PDXP: variants seen among roughly 807,000 people sequenced by gnomAD.
PDXP encodes pyridoxal phosphatase, also known as chronophin.
Under a neutral mutation model 14.4 loss-of-function variants are expected in PDXP, and 15 were observed. The ratio of observed to expected loss-of-function variants is 1.04; its 90% confidence interval spans 0.70 to 1.60. The LOEUF is 1.60. PDXP is among the 40% of genes most tolerant of loss of function. PDXP has a pLI of 0.00. For synonymous variants in PDXP, 233 were observed against 205.6 expected (o/e 1.13, Z -1.14); for missense variants, 413 against 427.6 (o/e 0.97, Z 0.30).
intron 1 of PDXP, among the ~76,000 whole-genome samples, chr22:37,661,384 A>G (rs1933200251): frequency 6.6e-6 from 1 of 152,098 alleles, no homozygotes; most frequent in African/African-American, 2.4e-5. Flanking sequence ...GACAATATTA[A>G]TAAAAGCCCC....
Position 37,658,915 on chromosome 22 carries a change from G to A in PDXP, c.133G>A (p.Glu45Lys). 8.2e-7 allele frequency: 1 copy of A among 1,225,226 alleles called. No homozygotes were observed. Among genetic ancestry groups the A allele is most frequent in the Non-Finnish European group, 1.0e-6 (1 of 981,036 alleles). 75.9% of individuals were successfully genotyped at this position (1,225,226 alleles called of 1,614,324 possible). A position where few individuals can be genotyped will look rare whatever the true frequency, so the allele number is the denominator to read the frequency against. The change falls in exon 1 of 2, where the codon GAG (glutamate) becomes AAG (lysine). Residue 45 changes from glutamate to lysine, a missense_variant. By Grantham distance (56) the Glu-to-Lys change is moderately conservative (BLOSUM62 1). Transcript: ENST00000215904. The part of the protein sequence containing the change: ...RAVPGAPELL[E>K]RLARAGKAAL... Reference sequence around the variant, plus strand: ...CGTGCCGGGCGCCCCGGAGCTGCTGGAGCGGCTGGCGCGGGCCGGCAAGGC... The same window carrying A: ...CGTGCCGGGCGCCCCGGAGCTGCTGAAGCGGCTGGCGCGGGCCGGCAAGGC...
Position 37,658,994 on chromosome 22 carries a change from G to T in PDXP, c.212G>T (p.Arg71Leu). ...CGCGCGCGGCCCGAGCTGGCCCTGC[G>T]CTTCGCGCGCCTCGGCTTCGGGGGG... ...SRRARPELALRFARLGFGGLR... is the reference protein window; with the variant it reads ...SRRARPELALLFARLGFGGLR... Residue 71 changes from arginine to leucine, a missense_variant, in exon 1 of 2, where the codon CGC (arginine) becomes CTC (leucine). Coordinates refer to ENST00000215904, the MANE Select transcript of PDXP (RefSeq NM_020315.5). 1 of 1,201,694 alleles carries T rather than the reference G, an allele frequency of 8.3e-7. No individual in the cohort carries two copies. The highest frequency in any genetic ancestry group is 3.1e-5 in the South Asian group (1 of 32,468). The allele number at this position is 1,201,694 out of a possible 1,614,324, so 74.4% of individuals were successfully genotyped here.
chr22:37,663,918 A>C (rs78974622), intron 1 of PDXP, among the ~76,000 whole-genome samples: 42,127 of 119,478 alleles, frequency 0.35, 6,872 homozygotes, highest in Middle Eastern at 0.44. Context: ...GAATACGTTG[A>C]CTTTTTTTTT....
intron 1 of PDXP, 90 bp downstream of exon 1, chr22:37,659,446 T>C: frequency 9.8e-7 from 1 of 1,022,126 alleles, no homozygotes; most frequent in Non-Finnish European, 1.3e-6. Flanking sequence ...AAGAGGCGTC[T>C]CCAGGTGGCA....
intron 1 of PDXP, among the ~76,000 whole-genome samples, chr22:37,660,738 TGAGTG>T (rs1398649836): frequency 6.6e-5 from 10 of 152,124 alleles, no homozygotes; most frequent in Non-Finnish European, 1.3e-4. Flanking sequence ...AGGATGGTAT[TGAGTG>T]GAGAGAAGTA....
At chr22:37,659,698 G>GAGGC (rs1376905326) in intron 1 of PDXP, among the ~76,000 whole-genome samples, 2 of 152,240 alleles carry the variant, frequency 1.3e-5, no homozygotes, top group African/African-American at 4.8e-5. Flanking sequence ...ACCATTCCCA[G>GAGGC]AGGCAGGGTG....
chr22:37,665,619 G>GC lies in PDXP; in HGVS notation c.642dup (p.Ser215GlnfsTer24). ...GACGCCAGGCCCTGGTGGTGGGCAA[G>GC]CCCAGCCCCTACATGTTCGAGTGCA... On this transcript the variant is annotated frameshift_variant, in exon 2 of 2. Coordinates refer to ENST00000215904, the MANE Select transcript of PDXP (RefSeq NM_020315.5). LOFTEE classifies it high-confidence loss of function. 6.2e-7 allele frequency: 1 copy of GC among 1,613,722 alleles called. No individual in the cohort carries two copies. The highest frequency in any genetic ancestry group is 8.5e-7 in the Non-Finnish European group (1 of 1,179,996).
At chr22:37,662,420 G>A (rs768944503) in intron 1 of PDXP, among the ~76,000 whole-genome samples, 5 of 152,270 alleles carry the variant, frequency 3.3e-5, no homozygotes, top group African/African-American at 7.2e-5. Context: ...CCAGTGGTGC[G>A]CTGAGAAACA....
rs527450502 is a variant in PDXP, at chr22:37,659,373, C to G, written c.574+17C>G. 4.6e-6 allele frequency: 6 copies of G among 1,293,818 alleles called. No individual in the cohort carries two copies. The South Asian group carries it at 1.9e-4, about 40-fold the overall frequency. The allele number at this position is 1,293,818 out of a possible 1,614,324, so 80.1% of individuals were successfully genotyped here. A position where few individuals can be genotyped will look rare whatever the true frequency, so the allele number is the denominator to read the frequency against. The stretch of plus-strand genomic sequence containing the variant: ...GGACCCCTGGTGAGCGCGGGAATGG[C>G]GGGGAAACTGAGATGGGGGCGACCT... On this transcript the variant is annotated intron_variant, in intron 1 of 1. Transcript: ENST00000215904.
chr22:37,666,849 G>A lies in PDXP; in HGVS notation c.*978G>A, dbSNP rs1354680846. 1.8e-5 allele frequency: 3 copies of A among 167,106 alleles called. No individual in the cohort carries two copies. Among genetic ancestry groups the A allele is most frequent in the Admixed American group, 1.3e-4 (2 of 15,282 alleles). 10.4% of individuals were successfully genotyped at this position (167,106 alleles called of 1,614,324 possible). The stretch of plus-strand genomic sequence containing the variant: ...TTATTTATTGTGTGCCAGTGATGGT[G>A]GGTGGGGGCTGGGCCTTCCCCGCCA... On this transcript the variant is annotated 3_prime_UTR_variant, in exon 2 of 2. Coordinates refer to ENST00000215904, the MANE Select transcript of PDXP (RefSeq NM_020315.5).
In PDXP at chr22:37,666,800, G is replaced by A. The variant is rs73887026; in HGVS notation, c.*929G>A. The stretch of plus-strand genomic sequence containing the variant: ...GTGTTTTCAGTACCACCTCTCTCCC[G>A]TGCCCACTTGGCTATTTACTTATTT... On this transcript the variant is annotated 3_prime_UTR_variant, in exon 2 of 2. Coordinates refer to ENST00000215904, the MANE Select transcript of PDXP (RefSeq NM_020315.5). 0.041 allele frequency: 6,821 copies of A among 167,090 alleles called. 510 individuals are homozygous for A. Among genetic ancestry groups the A allele is most frequent in the African/African-American group, 0.16 (6,461 of 41,474 alleles). 10.4% of individuals were successfully genotyped at this position (167,090 alleles called of 1,614,324 possible).
At position 37,658,749 on chromosome 22, in the gene PDXP, G is replaced by A. The variant is rs559384342; in HGVS notation, c.-34G>A. 7 of 1,139,810 alleles carry A rather than the reference G, an allele frequency of 6.1e-6. No individual in the cohort carries two copies. Among genetic ancestry groups the A allele is most frequent in the South Asian group, 4.3e-5 (1 of 23,210 alleles). 70.6% of individuals were successfully genotyped at this position (1,139,810 alleles called of 1,614,324 possible). A position where few individuals can be genotyped will look rare whatever the true frequency, so the allele number is the denominator to read the frequency against. ...AGAGCGCGCCGTGCCCGCGGAGAGA[G>A]CGCGGCGCGGGAGGCCGGCGGCCGG... On this transcript the variant is annotated 5_prime_UTR_variant, in exon 1 of 2. Transcript: ENST00000215904.
Position 37,659,152 on chromosome 22 carries a change from G to T in PDXP, c.370G>T (p.Ala124Ser). ...CGAGGGGCTGCGCGCCGAGCTGCGC[G>T]CCGCGGGGCTGCGCCTGGCCGGGGA... ...GGEGLRAELR[A>S]AGLRLAGDPS... Residue 124 changes from alanine to serine, a missense_variant, in exon 1 of 2, where the codon GCC becomes TCC. Coordinates refer to ENST00000215904, the MANE Select transcript of PDXP (RefSeq NM_020315.5). 9.6e-7 allele frequency: 1 copy of T among 1,046,780 alleles called. No individual in the cohort carries two copies. Among genetic ancestry groups the T allele is most frequent in the Non-Finnish European group, 1.1e-6 (1 of 871,286 alleles). The allele number at this position is 1,046,780 out of a possible 1,614,324, so 64.8% of individuals were successfully genotyped here.
intron 1 of PDXP, among the ~76,000 whole-genome samples, chr22:37,664,611 C>T (rs1248640497): frequency 6.6e-6 from 1 of 152,208 alleles, no homozygotes; most frequent in Admixed American, 6.5e-5. Context: ...AAACACCCAG[C>T]ACAGGCCAGG....
intron 1 of PDXP, among the ~76,000 whole-genome samples, chr22:37,663,862 G>A (rs1240094032): frequency 6.6e-6 from 1 of 151,398 alleles, no homozygotes; most frequent in Non-Finnish European, 1.5e-5. Context: ...GTTTCATGGT[G>A]CAGGCTGGGC....
At chr22:37,659,930 G>A (rs1012544422) in intron 1 of PDXP, among the ~76,000 whole-genome samples, 2 of 152,218 alleles carry the variant, frequency 1.3e-5, no homozygotes, top group African/African-American at 4.8e-5. Flanking sequence ...AGTCCCCCAT[G>A]TTACAGAGAA....
intron 1 of PDXP, among the ~76,000 whole-genome samples, chr22:37,660,334 A>G (rs1432479774): frequency 6.6e-6 from 1 of 152,172 alleles, no homozygotes; most frequent in African/African-American, 2.4e-5. Context: ...CAGCCCTCAC[A>G]AGTAGGGACA....
Position 37,666,092 on chromosome 22 carries a change from A to G in PDXP, c.*221A>G, listed in dbSNP as rs1051765740. ...CCAGAAGCTGGTCCCCTATGGATTC[A>G]TCTTGGCCTGACCCAGCCAGGTGGC... On this transcript the variant is annotated 3_prime_UTR_variant, in exon 2 of 2. Coordinates refer to ENST00000215904, the MANE Select transcript of PDXP (RefSeq NM_020315.5). The G allele has an allele frequency of 2.3e-5, 14 of 603,782 alleles. No individual in the cohort carries two copies. The highest frequency in any genetic ancestry group is 3.9e-5 in the Non-Finnish European group (13 of 332,488). The allele number at this position is 603,782 out of a possible 1,614,324, so 37.4% of individuals were successfully genotyped here.
rs200494221 is a variant in PDXP, at chr22:37,665,559, C to T, written c.579C>T (p.Thr193=). 4.4e-5 allele frequency: 70 copies of T among 1,603,222 alleles called. 1 individual carries two copies. In the Middle Eastern group the frequency reaches 6.6e-4, roughly 15 times the overall value. Residue 193 remains threonine, a synonymous_variant, in exon 2 of 2, where the codon ACC becomes ACT. Coordinates refer to ENST00000215904, the MANE Select transcript of PDXP (RefSeq NM_020315.5). ...PLSDGSRTPG[T]GSLAAAVETA... ...TGCGTCTCCATCTCCCTACAGGCAC[C>T]GGGAGCCTGGCCGCTGCAGTGGAGA...
Sources: allele counts gnomAD v4.1 joint callset (sites outside exome capture counted in the v4.1 genomes callset), GRCh38; gene constraint gnomAD v4.1.1; transcripts MANE v1.5; gene names NCBI Gene and HGNC (gene_info 2026-07-23, HGNC 2026-07-21).